The following KIAA1671 variants were observed in gnomAD, a reference collection of about 807,000 sequenced individuals.
KIAA1671 encodes the protein KIAA1671.
In KIAA1671, 52 loss-of-function variants were observed where a neutral mutation model predicts 131.2. The observed-to-expected ratio is 0.40, with a 90% confidence interval of 0.32 to 0.50. The LOEUF (loss-of-function observed/expected upper bound fraction) is 0.50. KIAA1671 is among the 20% of genes least tolerant of loss of function. The pLI is 0.73. For synonymous variants in KIAA1671, 1,003 were observed against 961.6 expected (o/e 1.04, Z -0.80); for missense variants, 2,360 against 2,364.2 (o/e 1.00, Z 0.04).
intron 6 of KIAA1671, among the ~76,000 whole-genome samples, chr22:25,116,805 TCA>T (rs1931687874): frequency 6.6e-6 from 1 of 152,188 alleles, no homozygotes; most frequent in Non-Finnish European, 1.5e-5. Context: ...ACTCCTGCCT[TCA>T]CAGAGCTGCC....
At chr22:24,970,259 T>G (rs1472142839) in intron 1 of KIAA1671, among the ~76,000 whole-genome samples, 1 of 151,794 alleles carries the variant, frequency 6.6e-6, no homozygotes, top group East Asian at 1.9e-4. Context: ...AAGGACAAGG[T>G]CGGCCCACTA....
intron 11 of KIAA1671, among the ~76,000 whole-genome samples, chr22:25,187,037 T>C (rs1265882830): frequency 6.6e-6 from 1 of 152,220 alleles, no homozygotes; most frequent in Non-Finnish European, 1.5e-5. Context: ...GGGGGCCCTC[T>C]TCTTCCTCAT....
intron 4 of KIAA1671, among the ~76,000 whole-genome samples, chr22:25,035,026 T>G (rs1926511990): frequency 6.8e-6 from 1 of 146,402 alleles, no homozygotes; most frequent in Admixed American, 6.9e-5. Context: ...CATAAGCCAC[T>G]GCGCCTGGCC....
intron 1 of KIAA1671, among the ~76,000 whole-genome samples, chr22:24,978,727 A>T (rs1923047260): frequency 6.6e-6 from 1 of 152,206 alleles, no homozygotes; most frequent in Admixed American, 6.5e-5. Context: ...TCTGTCACCC[A>T]GGCTGGAATG....
chr22:25,074,189 G>A (rs1451191944), intron 6 of KIAA1671, among the ~76,000 whole-genome samples: 1 of 150,120 alleles, frequency 6.7e-6, no homozygotes, highest in Non-Finnish European at 1.5e-5. Context: ...ATATAGAGAG[G>A]ATATATATAT....
At chr22:25,159,894 T>C (rs774786045) in intron 6 of KIAA1671, among the ~76,000 whole-genome samples, 8 of 152,218 alleles carry the variant, frequency 5.3e-5, no homozygotes, top group Non-Finnish European at 1.2e-4. Flanking sequence ...GCTGTTAGCA[T>C]ATCTGTGGAA....
intron 6 of KIAA1671, among the ~76,000 whole-genome samples, chr22:25,149,193 T>C (rs1038364157): frequency 1.3e-5 from 2 of 152,046 alleles, no homozygotes; most frequent in Non-Finnish European, 2.9e-5. Context: ...CTCAGAGAGG[T>C]GTGGTGACTT....
chr22:25,138,699 GAAAAAC>G (rs1236935813), intron 6 of KIAA1671, among the ~76,000 whole-genome samples: 1 of 152,138 alleles, frequency 6.6e-6, no homozygotes, highest in South Asian at 2.1e-4. Flanking sequence ...CCTGTGATGT[GAAAAAC>G]AAAAACAAAA....
At chr22:25,022,145 G>A (rs1022715202) in intron 1 of KIAA1671, among the ~76,000 whole-genome samples, 6 of 152,152 alleles carry the variant, frequency 3.9e-5, no homozygotes, top group African/African-American at 1.2e-4. Flanking sequence ...GTCACATTCC[G>A]GAAGATGCTG....
chr22:25,005,345 CTA>C (rs1569204016), intron 1 of KIAA1671, among the ~76,000 whole-genome samples: 1 of 102,546 alleles, frequency 9.8e-6, no homozygotes. Flanking sequence ...GAGACTCCAT[CTA>C]AAAAAAAAAA....
intron 6 of KIAA1671, among the ~76,000 whole-genome samples, chr22:25,125,922 T>C (rs1932161826): frequency 6.6e-6 from 1 of 152,210 alleles, no homozygotes; most frequent in South Asian, 2.1e-4. Flanking sequence ...TGATTCCTGG[T>C]GTAATTTTGG....
intron 6 of KIAA1671, among the ~76,000 whole-genome samples, chr22:25,123,195 T>G (rs1212375540): frequency 7.4e-6 from 1 of 135,676 alleles, no homozygotes; most frequent in Admixed American, 7.2e-5. Flanking sequence ...ATGAGGTTTT[T>G]TTTTTTTTTT....
Position 24,979,966 on chromosome 22 carries a change from C to CT in KIAA1671, c.-208+27208dup, listed in dbSNP as rs1007783470. The stretch of plus-strand genomic sequence containing the variant: ...TTGTAGCATGTAAGAATTCCCTTCT[C>CT]TTTTTTTTTTTTTTCTTGAGACTGT... On this transcript the variant is annotated intron_variant, in intron 1 of 12. Transcript: ENST00000358431. Among the ~76,000 whole-genome samples, 999 of 144,882 alleles carry CT rather than the reference C, an allele frequency of 6.9e-3. 3 individuals are homozygous for CT. Among genetic ancestry groups the CT allele is most frequent in the East Asian group, 0.018 (89 of 5,032 alleles).
At chr22:25,129,795 A>G (rs1045673072) in intron 6 of KIAA1671, among the ~76,000 whole-genome samples, 4 of 151,894 alleles carry the variant, frequency 2.6e-5, no homozygotes, top group African/African-American at 7.3e-5. Context: ...CCAAGTAGCT[A>G]TGATTATAGG....
rs1934751394 is a variant in KIAA1671 at position 25,194,130 on chromosome 22, T to C, written c.*1729T>C. 1 of 152,228 alleles carries C rather than the reference T, an allele frequency of 6.6e-6. No individual in the cohort carries two copies. The highest frequency in any genetic ancestry group is 1.5e-5 in the Non-Finnish European group (1 of 68,074). The allele number at this position is 152,228 out of a possible 1,614,324, so 9.4% of individuals were successfully genotyped here. A position where few individuals can be genotyped will look rare whatever the true frequency, so the allele number is the denominator to read the frequency against. Reference sequence around the variant, plus strand: ...CAAGGTCTTACTCTGTTGCTCAAGCTGGAGTGGAGTGGCACGATCATAGCT... The same window carrying C: ...CAAGGTCTTACTCTGTTGCTCAAGCCGGAGTGGAGTGGCACGATCATAGCT... On this transcript the variant is annotated 3_prime_UTR_variant, in exon 13 of 13. Transcript: ENST00000358431.
At chr22:25,134,705 G>A (rs1204797630) in intron 6 of KIAA1671, among the ~76,000 whole-genome samples, 4 of 152,114 alleles carry the variant, frequency 2.6e-5, no homozygotes, top group African/African-American at 7.2e-5. Context: ...CCATGCTGCC[G>A]CTCTGCAGCT....
chr22:25,015,013 G>A (rs1925228249), intron 1 of KIAA1671: 1 of 152,114 alleles, frequency 6.6e-6, no homozygotes, highest in Non-Finnish European at 1.5e-5. Flanking sequence ...GCAGAGTCAT[G>A]GATAAAGGCT....
At position 25,028,407 on chromosome 22, in the gene KIAA1671, C is replaced by T. The variant is rs1345661889; in HGVS notation, c.408C>T (p.Phe136=). 6.4e-7 allele frequency: 1 copy of T among 1,550,820 alleles called. No individual in the cohort carries two copies. The highest frequency in any genetic ancestry group is 1.4e-5 in the African/African-American group (1 of 73,048). ...CGCCCCTCTTCAACAAGGCTGTGTT[C>T]CTGCGGCCCAGCTCCAGCACCATGA... The part of the protein sequence containing the change: ...TSSPLFNKAV[F]LRPSSSTMIL... The change falls in exon 3 of 13, where the codon TTC becomes TTT. Residue 136 remains phenylalanine, a synonymous_variant. Transcript: ENST00000358431.
At chr22:25,172,502 C>T (rs1369451051) in intron 7 of KIAA1671, among the ~76,000 whole-genome samples, 1 of 152,202 alleles carries the variant, frequency 6.6e-6, no homozygotes, top group African/African-American at 2.4e-5. Context: ...TGACAGAAAG[C>T]ACGATGAAAT....
Sources: allele counts gnomAD v4.1 joint callset (sites outside exome capture counted in the v4.1 genomes callset), GRCh38; gene constraint gnomAD v4.1.1; transcripts MANE v1.5; gene names NCBI Gene and HGNC (gene_info 2026-07-23, HGNC 2026-07-21).